Variants in CHRM3 observed in about 807,000 individuals in gnomAD.
CHRM3 encodes muscarinic acetylcholine receptor M3.
Under a neutral mutation model 41.8 loss-of-function variants are expected in CHRM3, and 11 were observed. The ratio of observed to expected loss-of-function variants is 0.26; its 90% CI spans 0.17 to 0.44. The LOEUF is 0.44. Ranked by LOEUF, CHRM3 falls within the 20% of genes least tolerant of loss-of-function variation. CHRM3 has a pLI of 1.00. For synonymous variants in CHRM3, 297 were observed against 301.4 expected (o/e 0.99, Z 0.15); for missense variants, 571 against 745.4 (o/e 0.77, Z 2.72).
chr1:239,737,009 G>A (rs1428439973), intron 5 of CHRM3, among the ~76,000 whole-genome samples: 1 of 151,996 alleles, frequency 6.6e-6, no homozygotes, highest in Non-Finnish European at 1.5e-5. Context: ...ATAGTTTATT[G>A]TTATTGGTTC....
intron 5 of CHRM3, among the ~76,000 whole-genome samples, chr1:239,716,340 G>T (rs1362771740): frequency 6.6e-6 from 1 of 152,086 alleles, no homozygotes; most frequent in Non-Finnish European, 1.5e-5. Flanking sequence ...CAAGTATAGA[G>T]GTGGCCAAGT....
At chr1:239,526,610 C>T (rs1352635703) in intron 2 of CHRM3, among the ~76,000 whole-genome samples, 3 of 152,144 alleles carry the variant, frequency 2.0e-5, no homozygotes, top group Non-Finnish European at 4.4e-5. Context: ...TCTTTTGCTT[C>T]TATTAAGTGC....
intron 5 of CHRM3, among the ~76,000 whole-genome samples, chr1:239,685,811 G>A (rs1421974625): frequency 1.3e-5 from 2 of 152,042 alleles, no homozygotes; most frequent in East Asian, 1.9e-4. Context: ...AACAGAGCAA[G>A]ACTCCATCTC....
chr1:239,820,924 C>G lies in CHRM3; in HGVS notation c.-146-6328C>G, dbSNP rs987691278. Among the ~76,000 whole-genome samples, 4 of 152,102 alleles carry G rather than the reference C, an allele frequency of 2.6e-5. No individual in the cohort carries two copies. The East Asian group carries it at 7.7e-4, about 29-fold the overall frequency. ...TTAGTATTTAAATTTATATATTGTT[C>G]ACTAGGGGCTCACACAATATGGGCA... On this transcript the variant is annotated intron_variant, in intron 5 of 6. Transcript: ENST00000676153.
At chr1:239,411,926 A>G (rs1661104277) in intron 1 of CHRM3, among the ~76,000 whole-genome samples, 2 of 151,548 alleles carry the variant, frequency 1.3e-5, no homozygotes, top group Non-Finnish European at 2.9e-5. Flanking sequence ...TTTTTCTGTT[A>G]TTTACTTTCA....
chr1:239,640,981 G>C (rs1671072819), intron 4 of CHRM3, among the ~76,000 whole-genome samples: 1 of 151,442 alleles, frequency 6.6e-6, no homozygotes, highest in Non-Finnish European at 1.5e-5. Context: ...GTTCTCATTG[G>C]TTTCAAAGAA....
At chr1:239,890,383 G>A (rs1678452322) in intron 6 of CHRM3, among the ~76,000 whole-genome samples, 1 of 151,712 alleles carries the variant, frequency 6.6e-6, no homozygotes, top group Non-Finnish European at 1.5e-5. Context: ...GTGTGTTTTA[G>A]TTTTAGAGTT....
At chr1:239,552,029 G>A (rs1046058243) in intron 3 of CHRM3, among the ~76,000 whole-genome samples, 7 of 151,676 alleles carry the variant, frequency 4.6e-5, no homozygotes, top group Non-Finnish European at 1.0e-4. Flanking sequence ...AATAATGTAG[G>A]TATTATCACA....
At chr1:239,860,734 A>C (rs2149269230) in intron 6 of CHRM3, among the ~76,000 whole-genome samples, 1 of 152,314 alleles carries the variant, frequency 6.6e-6, no homozygotes, top group African/African-American at 2.4e-5. Context: ...CAACACTCCA[A>C]AAATGTCAGA....
intron 4 of CHRM3, among the ~76,000 whole-genome samples, chr1:239,667,171 C>T (rs1673892109): frequency 6.6e-6 from 1 of 152,152 alleles, no homozygotes; most frequent in Non-Finnish European, 1.5e-5. Flanking sequence ...GCTGAGCAAG[C>T]CACCTTCACA....
intron 4 of CHRM3, among the ~76,000 whole-genome samples, chr1:239,656,627 C>T (rs1031198049): frequency 2.6e-5 from 4 of 151,840 alleles, no homozygotes; most frequent in Non-Finnish European, 2.9e-5. Context: ...TGCAACAGAG[C>T]GAGACCCTAT....
At chr1:239,476,463 C>CA (rs71567246) in intron 1 of CHRM3, among the ~76,000 whole-genome samples, 54,915 of 117,474 alleles carry the variant, frequency 0.47, 12,008 homozygotes, top group East Asian at 0.63. Context: ...AGACTCCATC[C>CA]AAAAAAAAAA....
chr1:239,743,142 ACTC>A (rs1284551237), intron 5 of CHRM3, among the ~76,000 whole-genome samples: 1 of 152,154 alleles, frequency 6.6e-6, no homozygotes, highest in Non-Finnish European at 1.5e-5. Context: ...TTATTTTACT[ACTC>A]ATTTTATTTA....
chr1:239,489,399 C>T (rs918729481), intron 1 of CHRM3, among the ~76,000 whole-genome samples: 2 of 150,230 alleles, frequency 1.3e-5, no homozygotes, highest in South Asian at 2.1e-4. Context: ...GGCAACAGAG[C>T]GAGACTCTGT....
chr1:239,546,685 A>G (rs575066189), intron 3 of CHRM3: 2 of 152,198 alleles, frequency 1.3e-5, no homozygotes, highest in African/African-American at 4.8e-5. Context: ...ATCCCCACCA[A>G]CCATAAGGAA....
chr1:239,435,084 T>C (rs1663129727), intron 1 of CHRM3, among the ~76,000 whole-genome samples: 1 of 152,242 alleles, frequency 6.6e-6, no homozygotes. Flanking sequence ...AAGAAAATCA[T>C]ATGAAGTTAT....
chr1:239,834,861 AC>A (rs1673186989), intron 6 of CHRM3, among the ~76,000 whole-genome samples: 1 of 152,218 alleles, frequency 6.6e-6, no homozygotes, highest in Admixed American at 6.5e-5. Flanking sequence ...TTCACTGGGT[AC>A]ACCTTGAATA....
At chr1:239,901,592 A>C (rs1234582558) in intron 6 of CHRM3, among the ~76,000 whole-genome samples, 1 of 152,120 alleles carries the variant, frequency 6.6e-6, no homozygotes, top group Non-Finnish European at 1.5e-5. Flanking sequence ...TTTATTGTAA[A>C]CTAAATTTTA....
intron 1 of CHRM3, among the ~76,000 whole-genome samples, chr1:239,482,357 G>T (rs984447949): frequency 2.0e-5 from 3 of 152,174 alleles, no homozygotes; most frequent in Admixed American, 6.5e-5. Flanking sequence ...CTCTTTAGGG[G>T]AGAAAAGCAC....
Sources: allele counts gnomAD v4.1 joint callset (sites outside exome capture counted in the v4.1 genomes callset), GRCh38; gene constraint gnomAD v4.1.1; transcripts MANE v1.5; gene names NCBI Gene and HGNC (gene_info 2026-07-23, HGNC 2026-07-21).